CEP162: variants seen among roughly 807,000 people sequenced by gnomAD.
CEP162 encodes the protein centrosomal protein of 162 kDa.
Under a neutral mutation model 169.2 loss-of-function variants are expected in CEP162, and 141 were observed. The observed-to-expected ratio is 0.83, with a 90% CI of 0.73 to 0.96. The LOEUF is 0.96. Among genes scored for constraint, CEP162 ranks in the 40% least tolerant of loss-of-function variants. CEP162 has a pLI of 0.00. For missense variants in CEP162, 1,600 were observed against 1,587.2 expected, an observed-to-expected ratio of 1.01 and a Z score of -0.14; for synonymous variants, 540 against 526.4, an observed-to-expected ratio of 1.03 and a Z score of -0.35.
chr6:84,225,964 G>A (rs774604146), intron 2 of CEP162, among the ~76,000 whole-genome samples: 12 of 152,096 alleles, frequency 7.9e-5, no homozygotes, highest in Non-Finnish European at 1.5e-4. Context: ...TAAAGTGGGT[G>A]AAAGAGGGAT....
At chr6:84,183,372 T>C (rs2099535731) in intron 13 of CEP162, among the ~76,000 whole-genome samples, 1 of 152,156 alleles carries the variant, frequency 6.6e-6, no homozygotes, top group Admixed American at 6.5e-5. Flanking sequence ...CTCCCTGGCT[T>C]TTGGTTCCTT....
In CEP162 at chr6:84,171,655, GCTC is replaced by G; in HGVS notation, c.2227_2229del (p.Glu743del). The G allele has an allele frequency of 6.5e-7, 1 of 1,549,658 alleles. No individual in the cohort carries two copies. The highest frequency in any genetic ancestry group is 1.7e-4 in the Middle Eastern group (1 of 5,870). ...AAACTTTGGTTTTCCTTAAACATTC[GCTC>G]CTCATTTTTCTTGTTTTGTTCTTGG... On this transcript the variant is annotated inframe_deletion, in exon 17 of 27. Coordinates refer to ENST00000403245, the MANE Select transcript of CEP162 (RefSeq NM_014895.4).
At position 84,148,210 on chromosome 6, in the gene CEP162, C is replaced by CT. The variant is rs199876429; in HGVS notation, c.3771+1351dup. Among the ~76,000 whole-genome samples, 1,263 of 151,906 alleles carry CT rather than the reference C, an allele frequency of 8.3e-3. 8 individuals carry two copies. Among genetic ancestry groups the CT allele is most frequent in the Middle Eastern group, 0.024 (7 of 294 alleles). ...TTTTCATTAACGTAGTCAAATAGTC[C>CT]TTTTTTTTCTCAGCGATCTGAAGTT... On this transcript the variant is annotated intron_variant, in intron 24 of 26. Transcript: ENST00000403245.
chr6:84,174,341 G>A (rs1329678886), intron 15 of CEP162, among the ~76,000 whole-genome samples, 153 bp from the exon 16 acceptor site: 2 of 152,166 alleles, frequency 1.3e-5, no homozygotes, highest in South Asian at 2.1e-4. Context: ...TCAGCAAAGT[G>A]CTGTTTTGTG....
Position 84,137,044 on chromosome 6 carries a change from G to A in CEP162, c.3870+9643C>T, listed in dbSNP as rs148260106. On this transcript the variant is annotated intron_variant, in intron 25 of 26. Coordinates refer to ENST00000403245, the MANE Select transcript of CEP162 (RefSeq NM_014895.4). ...CCACCGTGCAAGGATTAGTATAAGA[G>A]ATATCGGTTCTTGTGGAGCATGCGG... Among the ~76,000 whole-genome samples the A allele has an allele frequency of 6.3e-3, 956 of 152,338 alleles. 4 individuals are homozygous for A. The highest frequency in any genetic ancestry group is 0.022 in the African/African-American group (920 of 41,572).
At chr6:84,213,616 G>A (rs1588886442) in intron 5 of CEP162, among the ~76,000 whole-genome samples, 1 of 152,122 alleles carries the variant, frequency 6.6e-6, no homozygotes, top group Non-Finnish European at 1.5e-5. Context: ...TAGTGAGATC[G>A]TTAGAGAAAC....
chr6:84,204,584 T>C (rs1328764122), intron 6 of CEP162, among the ~76,000 whole-genome samples: 1 of 152,162 alleles, frequency 6.6e-6, no homozygotes, highest in Non-Finnish European at 1.5e-5. Context: ...AAGCAGTGTG[T>C]AGAGGGAAAT....
At chr6:84,180,125 A>G (rs1315702441) in intron 13 of CEP162, among the ~76,000 whole-genome samples, 2 of 152,202 alleles carry the variant, frequency 1.3e-5, no homozygotes, top group African/African-American at 2.4e-5. Flanking sequence ...ATCCAGCAGC[A>G]CATCAAAAAG....
At chr6:84,206,403 A>C (rs537403765) in intron 6 of CEP162, among the ~76,000 whole-genome samples, 1 of 152,304 alleles carries the variant, frequency 6.6e-6, no homozygotes, top group Non-Finnish European at 1.5e-5. Flanking sequence ...CAGAGCCCTC[A>C]GAAATAATAC....
intron 13 of CEP162, among the ~76,000 whole-genome samples, chr6:84,178,585 T>C (rs547056111): frequency 1.3e-5 from 2 of 152,350 alleles, no homozygotes; most frequent in African/African-American, 4.8e-5. Flanking sequence ...CTAGGGGATG[T>C]AGTAAGGGGT....
Position 84,190,568 on chromosome 6 carries a change from G to A in CEP162, c.1109+3041C>T, listed in dbSNP as rs561529906. Among the ~76,000 whole-genome samples, 9 of 151,862 alleles carry A rather than the reference G, an allele frequency of 5.9e-5. No homozygotes were observed. The South Asian group carries it at 1.3e-3, about 21-fold the overall frequency. Reference sequence around the variant, plus strand: ...AGCCCAGCGAGACCACGAGCCCACCGGGAGGGAACGAACAACTCCAGACGC... The same window carrying A: ...AGCCCAGCGAGACCACGAGCCCACCAGGAGGGAACGAACAACTCCAGACGC... On this transcript the variant is annotated intron_variant, in intron 11 of 26. Transcript: ENST00000403245.
rs187793959 is a variant in CEP162 at position 84,189,688 on chromosome 6, C to T, written c.1110-3065G>A. Among the ~76,000 whole-genome samples, 531 of 152,306 alleles carry T rather than the reference C, an allele frequency of 3.5e-3. 3 individuals carry two copies. The highest frequency in any genetic ancestry group is 0.012 in the African/African-American group (484 of 41,576). On this transcript the variant is annotated intron_variant, in intron 11 of 26. Transcript: ENST00000403245. The stretch of plus-strand genomic sequence containing the variant: ...GGCTCCTGTGTGGCCCAAGCCTCCC[C>T]GACGAGCACCACCCCCTGCTCCACG...
intron 2 of CEP162, 128 bp from the exon 3 acceptor site, chr6:84,221,299 T>A (rs1562100202): frequency 4.0e-6 from 2 of 499,178 alleles, no homozygotes; most frequent in Non-Finnish European, 7.1e-6. Context: ...AACATTCTCA[T>A]CAATAACGTA....
intron 6 of CEP162, among the ~76,000 whole-genome samples, chr6:84,208,687 T>G (rs948044508): frequency 1.3e-5 from 2 of 152,230 alleles, no homozygotes; most frequent in African/African-American, 4.8e-5. Flanking sequence ...GTAGATAAAC[T>G]AGGTTAGTTG....
Position 84,126,442 on chromosome 6 carries a change from C to G in CEP162, c.3941G>C (p.Gly1314Ala). The G allele has an allele frequency of 6.3e-7, 1 of 1,594,416 alleles. No homozygotes were observed. The highest frequency in any genetic ancestry group is 8.6e-7 in the Non-Finnish European group (1 of 1,168,998). ...NHTPEMKHFVGLEKKIKQMEM... is the reference protein window; with the variant it reads ...NHTPEMKHFVALEKKIKQMEM... ...CATCTGCTTAATTTTCTTTTCTAAGCCCACGAAATGTTTCATCTCTGGTGT... is the reference window on the plus strand; with the variant it reads ...CATCTGCTTAATTTTCTTTTCTAAGGCCACGAAATGTTTCATCTCTGGTGT... Residue 1314 changes from glycine to alanine, a missense_variant, in exon 26 of 27, where the codon GGC (glycine) becomes GCC (alanine). Physicochemically the swap from Gly to Ala is moderately conservative, Grantham distance 60 (BLOSUM62 0). Transcript: ENST00000403245.
chr6:84,185,485 T>C (rs778131468), intron 12 of CEP162, 37 bp from the exon 13 acceptor site: 4 of 1,539,126 alleles, frequency 2.6e-6, no homozygotes, highest in Middle Eastern at 3.5e-4. Context: ...AGTACCTAAA[T>C]AAACTTTAAC....
At chr6:84,172,090 TTC>T (rs1209379092) in intron 16 of CEP162, among the ~76,000 whole-genome samples, 4 of 151,488 alleles carry the variant, frequency 2.6e-5, no homozygotes, top group Admixed American at 2.6e-4. Flanking sequence ...TTACATTCTT[TTC>T]TGTTTCTGGC....
Position 84,174,214 on chromosome 6 carries a change from T to C in CEP162, c.2026-26A>G. On this transcript the variant is annotated intron_variant, in intron 15 of 26. Coordinates refer to ENST00000403245, the MANE Select transcript of CEP162 (RefSeq NM_014895.4). The stretch of plus-strand genomic sequence containing the variant: ...CTTGGAGAAATTGCAGAAATTGTTT[T>C]ATTTGGGGAAGGAAATGATAAGGTG... 4.4e-6 allele frequency: 7 copies of C among 1,581,274 alleles called. No individual in the cohort carries two copies. In the South Asian group the frequency reaches 8.1e-5, roughly 18 times the overall value.
At chr6:84,207,750 TGA>T (rs2099547831) in intron 6 of CEP162, among the ~76,000 whole-genome samples, 1 of 152,140 alleles carries the variant, frequency 6.6e-6, no homozygotes, top group Non-Finnish European at 1.5e-5. Flanking sequence ...AAACATTTAA[TGA>T]GAGTTCAATT....
Sources: allele counts gnomAD v4.1 joint callset (sites outside exome capture counted in the v4.1 genomes callset), GRCh38; gene constraint gnomAD v4.1.1; transcripts MANE v1.5; gene names NCBI Gene and HGNC (gene_info 2026-07-23, HGNC 2026-07-21).